Variants in PASK observed in about 807,000 individuals in gnomAD.
PASK encodes the protein PAS domain-containing serine/threonine-protein kinase.
Under a neutral mutation model 121.0 loss-of-function variants are expected in PASK, and 110 were observed. The ratio of observed to expected loss-of-function variants is 0.91; its 90% CI spans 0.78 to 1.06. The LOEUF is 1.06. Among genes scored for constraint, PASK ranks in the 50% least tolerant of loss-of-function variants. PASK has a pLI of 0.00. For synonymous variants in PASK, 686 were observed against 717.8 expected (o/e 0.96, Z 0.71); for missense variants, 1,643 against 1,702.3 (o/e 0.97, Z 0.61).
intron 1 of PASK, among the ~76,000 whole-genome samples, chr2:241,144,942 C>T (rs565413317): frequency 6.6e-6 from 1 of 152,270 alleles, no homozygotes; most frequent in African/African-American, 2.4e-5. Context: ...GAGACAGAGT[C>T]TCGCTGTGTC....
chr2:241,139,680 G>T, intron 4 of PASK: 2 of 708,006 alleles, frequency 2.8e-6, no homozygotes, highest in African/African-American at 1.7e-5. Context: ...CCATTCCTGC[G>T]ATGATTCGTT....
intron 9 of PASK, among the ~76,000 whole-genome samples, chr2:241,129,528 T>C (rs1379770845): frequency 6.6e-6 from 1 of 152,244 alleles, no homozygotes; most frequent in East Asian, 1.9e-4. Flanking sequence ...AAACAGCTTC[T>C]CACGTGCTTA....
chr2:241,140,850 T>TGCAAAAAGATCTAAGGATTAAGTCA, intron 2 of PASK, 97 bp from the exon 3 acceptor site: 9 of 768,006 alleles, frequency 1.2e-5, no homozygotes, highest in Non-Finnish European at 1.8e-5. Context: ...CCTCAACTCC[T>TGCAAAAAGATCTAAGGATTAAGTCA]GCAAAAAGAT....
intron 9 of PASK, 54 bp downstream of exon 9, chr2:241,132,820 C>CTACCATCTG (rs1214992453): frequency 1.4e-6 from 2 of 1,407,686 alleles, no homozygotes; most frequent in African/African-American, 2.8e-5. Context: ...CCTCATTCAC[C>CTACCATCTG]TACCATCTGT....
intron 12 of PASK, chr2:241,119,093 C>A: frequency 3.5e-6 from 1 of 287,982 alleles, no homozygotes; most frequent in Non-Finnish European, 5.4e-6. Context: ...GCCCACAAAC[C>A]AAAGATACCA....
chr2:241,108,308 G>A lies in PASK; in HGVS notation c.3534-8C>T, dbSNP rs1397287223. 6.2e-7 allele frequency: 1 copy of A among 1,613,942 alleles called. No individual in the cohort carries two copies. Among genetic ancestry groups the A allele is most frequent in the Non-Finnish European group, 8.5e-7 (1 of 1,179,926 alleles). Reference sequence around the variant, plus strand: ...AGCTCCGGCCCTCTGTAGCTGTGAGGAGGAGGAGGCATCAGGACGCCACGG... The same window carrying A: ...AGCTCCGGCCCTCTGTAGCTGTGAGAAGGAGGAGGCATCAGGACGCCACGG... On this transcript the variant is annotated splice_region_variant and splice_polypyrimidine_tract_variant and intron_variant, in intron 15 of 17. Transcript: ENST00000234040. The surrounding 1 kb of genome is among the most constrained non-coding windows in gnomAD (Gnocchi z 5.2).
At chr2:241,137,393 A>T in intron 6 of PASK, 129 bp from the exon 7 acceptor site, 1 of 778,996 alleles carries the variant, frequency 1.3e-6, no homozygotes, top group Non-Finnish European at 2.3e-6. Context: ...TCACACCCAC[A>T]CTGCTCTGCC....
Position 241,126,214 on chromosome 2 carries a change from G to A in PASK, c.2701C>T (p.Arg901Ter), listed in dbSNP as rs1202468509. 35 of 1,613,884 alleles carry A rather than the reference G, an allele frequency of 2.2e-5. No homozygotes were observed. The highest frequency in any genetic ancestry group is 2.8e-5 in the Non-Finnish European group (33 of 1,180,010). Reference sequence around the variant, plus strand: ...GACATACTCAGCCGTAAGCCATCTCGATGGTAGCAGCTCCCGGAGTAGGCA... The same window carrying A: ...GACATACTCAGCCGTAAGCCATCTCAATGGTAGCAGCTCCCGGAGTAGGCA... ...EGAYSGSCYH[R>*]DGLRLSIQFE... The change falls in exon 10 of 18, where the codon CGA (arginine) becomes TGA (stop). Residue 901 changes from arginine (R) to a stop codon, truncating the protein, a stop_gained. Transcript: ENST00000234040. LOFTEE classifies it high-confidence loss of function.
chr2:241,126,511 C>A lies in PASK; in HGVS notation c.2404G>T (p.Gly802Cys), dbSNP rs151042801. 2 of 1,614,252 alleles carry A rather than the reference C, an allele frequency of 1.2e-6. No homozygotes were observed. Among genetic ancestry groups the A allele is most frequent in the Admixed American group, 1.7e-5 (1 of 60,034 alleles). The change falls in exon 10 of 18, where the codon GGC becomes TGC. Residue 802 changes from glycine to cysteine, a missense_variant. Gly to Cys is a radical substitution (Grantham distance 159). Transcript: ENST00000234040. Reference protein sequence around the residue: ...LDDRELLLLTGTCVDLGQGRR... With the variant: ...LDDRELLLLTCTCVDLGQGRR... The stretch of plus-strand genomic sequence containing the variant: ...CCTTGGCCAAGGTCAACACAGGTGC[C>A]GGTCAGTAGTAACAGCTCCCTGTCA...
Position 241,127,089 on chromosome 2 carries a change from TGC to T in PASK, c.1824_1825del (p.Met608IlefsTer8), listed in dbSNP as rs747979130. On this transcript the variant is annotated frameshift_variant, in exon 10 of 18. Transcript: ENST00000234040. LOFTEE classifies it high-confidence loss of function. ...CCATTCACTCCCATAGCAAGGGCAG[TGC>T]ATCAGGAGGCTGCCCCCCGCCAGCT... The T allele has an allele frequency of 2.5e-6, 4 of 1,613,962 alleles. No individual in the cohort carries two copies. In the African/African-American group the frequency reaches 4.0e-5, roughly 16 times the overall value.
chr2:241,126,308 G>A lies in PASK; in HGVS notation c.2607C>T (p.Val869=), dbSNP rs904542066. The change falls in exon 10 of 18, where the codon GTC becomes GTT. Residue 869 remains valine, a synonymous_variant. Coordinates refer to ENST00000234040, the MANE Select transcript of PASK (RefSeq NM_015148.4). ...CGATCACGGGCGTGGAGGTGACCTGGACGTTCAGCCTTGGCTCCTCTGCTG... is the reference window on the plus strand; with the variant it reads ...CGATCACGGGCGTGGAGGTGACCTGAACGTTCAGCCTTGGCTCCTCTGCTG... ...CPSAEEPRLN[V]QVTSTPVIVM... is the part of the protein sequence containing the mutation. The A allele has an allele frequency of 3.7e-6, 6 of 1,614,118 alleles. No homozygotes were observed. The highest frequency in any genetic ancestry group is 1.6e-4 in the Middle Eastern group (1 of 6,084).
chr2:241,133,173 C>A, intron 8 of PASK, 143 bp from the exon 9 acceptor site: 1 of 777,620 alleles, frequency 1.3e-6, no homozygotes, highest in Non-Finnish European at 2.2e-6. Flanking sequence ...GTCCCAGGTC[C>A]AACCCAGCGC....
At chr2:241,120,644 CT>C (rs1429360620) in intron 12 of PASK, among the ~76,000 whole-genome samples, 3 of 152,132 alleles carry the variant, frequency 2.0e-5, no homozygotes, top group African/African-American at 7.2e-5. Context: ...TTCACACCCC[CT>C]AGAATGGCTA....
At chr2:241,128,533 T>A (rs1312869793) in intron 9 of PASK, among the ~76,000 whole-genome samples, 1 of 152,088 alleles carries the variant, frequency 6.6e-6, no homozygotes, top group South Asian at 2.1e-4. Flanking sequence ...ACCACCTCAC[T>A]CGGGGACAGA....
Position 241,114,224 on chromosome 2 carries a change from A to G in PASK, c.3333+819T>C, listed in dbSNP as rs1008707632. 5.1e-6 allele frequency: 5 copies of G among 985,304 alleles called. No homozygotes were observed. The African/African-American group carries it at 8.7e-5, about 17-fold the overall frequency. The allele number at this position is 985,304 out of a possible 1,614,324, so 61.0% of individuals were successfully genotyped here. ...TTTTTTGCAGAACCATAATATCTGA[A>G]ACTTACAAGTAGGAGCCTGAGAAAC... On this transcript the variant is annotated intron_variant, in intron 14 of 17. Transcript: ENST00000234040.
chr2:241,149,101 TCCCGAGGCGA>T (rs976328664), intron 1 of PASK, among the ~76,000 whole-genome samples: 16 of 151,746 alleles, frequency 1.1e-4, no homozygotes, highest in African/African-American at 3.6e-4. Context: ...GAGCGCAGGG[TCCCGAGGCGA>T]CCCGAGGCGC....
At chr2:241,144,159 TGC>T (rs1470417772) in intron 1 of PASK, among the ~76,000 whole-genome samples, 3 of 151,746 alleles carry the variant, frequency 2.0e-5, no homozygotes, top group East Asian at 1.9e-4. Flanking sequence ...CGTGTGTGTG[TGC>T]GCGCATGTGA....
chr2:241,149,631 A>C (rs900923962), upstream of PASK: 10 of 1,538,464 alleles, frequency 6.5e-6, no homozygotes, highest in Admixed American at 3.9e-5. Context: ...GGCGCTTCGG[A>C]GGAGCCAAAG....
chr2:241,149,742 C>A, upstream of PASK: 1 of 1,544,364 alleles, frequency 6.5e-7, no homozygotes, highest in East Asian at 2.4e-5. Context: ...TTGGAGGCCT[C>A]TTTCTGAAGG....
Sources: gnomAD v4.1 joint callset for allele counts (sites outside exome capture counted in the v4.1 genomes callset) on GRCh38, gnomAD v4.1.1 for gene constraint, Gnocchi (gnomAD v3.1) non-coding constraint, MANE v1.5 for transcripts, NCBI Gene and HGNC (gene_info 2026-07-23, HGNC 2026-07-21) for gene names.